Variants in WDFY4 observed in about 807,000 individuals in gnomAD.
The protein encoded by WDFY4 is WDFY family member 4, also known as WD repeat- and FYVE domain-containing protein 4.
In WDFY4, 169 loss-of-function variants were observed where a neutral mutation model predicts 351.9. The ratio of observed to expected loss-of-function variants is 0.48; its 90% CI spans 0.42 to 0.55. The LOEUF (loss-of-function observed/expected upper bound fraction) is 0.55. WDFY4 is among the 20% of genes least tolerant of loss of function. The pLI, the probability that WDFY4 is intolerant of heterozygous loss-of-function variation, is 0.00. For missense variants in WDFY4, 3,803 were observed against 3,935.6 expected, an observed-to-expected ratio of 0.97 and a Z score of 0.90; for synonymous variants, 1,622 against 1,574.6, an observed-to-expected ratio of 1.03 and a Z score of -0.71.
intron 19 of WDFY4, among the ~76,000 whole-genome samples, chr10:48,780,771 A>AT (rs2066193626): frequency 6.6e-6 from 1 of 152,154 alleles, no homozygotes; most frequent in Admixed American, 6.5e-5. Context: ...GTAGGGCTGG[A>AT]TTTTCACACA....
rs757296287 is a variant in WDFY4 at position 48,982,877 on chromosome 10, T to TTA, written c.*302_*303insTA. 1 of 241,016 alleles carries TTA rather than the reference T, an allele frequency of 4.1e-6. No individual in the cohort carries two copies. Among genetic ancestry groups the TTA allele is most frequent in the Non-Finnish European group, 8.0e-6 (1 of 125,080 alleles). 14.9% of individuals were successfully genotyped at this position (241,016 alleles called of 1,614,324 possible). A position where few individuals can be genotyped will look rare whatever the true frequency, so the allele number is the denominator to read the frequency against. Reference sequence around the variant, plus strand: ...CTCACCTTATTAAGGGCTATTGCACTGAAAAAAAAAAAGATGGGTCGCTTA... The same window carrying TTA: ...CTCACCTTATTAAGGGCTATTGCACTTAGAAAAAAAAAAAGATGGGTCGCTTA... On this transcript the variant is annotated 3_prime_UTR_variant, in exon 62 of 62. Transcript: ENST00000325239.
chr10:48,851,530 A>T (rs2068957908), intron 39 of WDFY4, among the ~76,000 whole-genome samples: 1 of 152,182 alleles, frequency 6.6e-6, no homozygotes, highest in African/African-American at 2.4e-5. Flanking sequence ...CCTGACATGT[A>T]GTGCGTGGCT....
intron 59 of WDFY4, 159 bp downstream of exon 59, chr10:48,977,138 G>C: frequency 1.7e-6 from 1 of 581,598 alleles, no homozygotes; most frequent in Non-Finnish European, 2.6e-6. Context: ...GCTCTTTGCA[G>C]GGAAAAAGTA....
Position 48,823,613 on chromosome 10 carries a change from T to A in WDFY4, c.5982+1076T>A, listed in dbSNP as rs970159465. Reference sequence around the variant, plus strand: ...AACTCCAAGAGAGGAGAAATAGCCCTTGTCAGCTCTGTGAGGGTTAAAATC... The same window carrying A: ...AACTCCAAGAGAGGAGAAATAGCCCATGTCAGCTCTGTGAGGGTTAAAATC... On this transcript the variant is annotated intron_variant, in intron 35 of 61. Coordinates refer to ENST00000325239, the MANE Select transcript of WDFY4 (RefSeq NM_001394531.1). The A allele has an allele frequency of 1.7e-5, 18 of 1,029,698 alleles. No individual in the cohort carries two copies. In the African/African-American group the frequency reaches 2.9e-4, roughly 16 times the overall value. The allele number at this position is 1,029,698 out of a possible 1,614,324, so 63.8% of individuals were successfully genotyped here.
intron 4 of WDFY4, 85 bp downstream of exon 4, chr10:48,721,452 C>A: frequency 1.7e-6 from 2 of 1,188,960 alleles, no homozygotes; most frequent in Non-Finnish European, 2.4e-6. Flanking sequence ...TGGCATATCC[C>A]AAGAGGGTCA....
At chr10:48,727,208 C>G (rs1298947710) in intron 6 of WDFY4, among the ~76,000 whole-genome samples, 3 of 152,232 alleles carry the variant, frequency 2.0e-5, no homozygotes, top group Non-Finnish European at 4.4e-5. Flanking sequence ...CTGGACTCCC[C>G]CTTCTTGCTG....
At chr10:48,837,787 G>A (rs12764790) in intron 39 of WDFY4, among the ~76,000 whole-genome samples, 19,795 of 152,112 alleles carry the variant, frequency 0.13, 1,404 homozygotes, top group Middle Eastern at 0.21. Flanking sequence ...GGCAGCCCCC[G>A]ACCTGTGTAC....
chr10:48,919,395 A>C (rs1838851275), intron 47 of WDFY4, among the ~76,000 whole-genome samples: 1 of 152,230 alleles, frequency 6.6e-6, no homozygotes. Flanking sequence ...TCACGGTTGA[A>C]ACCCTTTCAA....
At chr10:48,729,798 G>A (rs550132690) in intron 8 of WDFY4, among the ~76,000 whole-genome samples, 1 of 152,154 alleles carries the variant, frequency 6.6e-6, no homozygotes. Context: ...AAATAACGGA[G>A]GCAGCCTCTA....
intron 35 of WDFY4, among the ~76,000 whole-genome samples, chr10:48,825,146 G>A (rs1036756709): frequency 1.3e-5 from 2 of 152,096 alleles, no homozygotes. Flanking sequence ...AGTGTGTGTT[G>A]TTCCTCTCCC....
chr10:48,922,382 A>G (rs1839162512), intron 47 of WDFY4, among the ~76,000 whole-genome samples: 1 of 152,196 alleles, frequency 6.6e-6, no homozygotes, highest in African/African-American at 2.4e-5. Context: ...TGCCAAAGAG[A>G]GAGATGCCTT....
rs1168984712 is a variant in WDFY4, at chr10:48,811,620, C to T, written c.5126C>T (p.Ala1709Val). 2.6e-6 allele frequency: 4 copies of T among 1,552,030 alleles called. No homozygotes were observed. Among genetic ancestry groups the T allele is most frequent in the Non-Finnish European group, 3.5e-6 (4 of 1,147,072 alleles). Residue 1709 changes from alanine to valine, a missense_variant, in exon 30 of 62, where the codon GCC becomes GTC. Physicochemically the swap from Ala to Val is moderately conservative, Grantham distance 64. Around this residue, in one of 3 missense-constraint regions of WDFY4, gnomAD observed 3,054 missense variants for 3,148.6 expected, o/e 0.97. Coordinates refer to ENST00000325239, the MANE Select transcript of WDFY4 (RefSeq NM_001394531.1). ...TTCCGTGTCTTGAATGACTTTCTGG[C>T]CCACCACGTCCACATTCCAGAGGTC... The part of the protein sequence containing the change: ...PGFRVLNDFL[A>V]HHVHIPEVYL...
intron 39 of WDFY4, among the ~76,000 whole-genome samples, chr10:48,866,194 T>C (rs969340823): frequency 6.6e-6 from 1 of 152,156 alleles, no homozygotes; most frequent in Non-Finnish European, 1.5e-5. Flanking sequence ...ATTTAACGTG[T>C]TTCTTTTTTT....
At position 48,760,420 on chromosome 10, in the gene WDFY4, T is replaced by C. The variant is rs1362098291; in HGVS notation, c.2533T>C (p.Tyr845His). The stretch of plus-strand genomic sequence containing the variant: ...CATGGTGAGGCTGCTGCCTCGGTTG[T>C]ACCATGAAGATCACCCACAGGTACC... ...CIMVRLLPRL[Y>H]HEDHPQLSEE... Residue 845 changes from tyrosine (Y) to histidine (H), a missense_variant, in exon 13 of 62, where the codon TAC (tyrosine) becomes CAC (histidine). This residue lies in a region of WDFY4 where 3,054 missense variants were observed against 3,148.6 expected (regional missense o/e 0.97). Transcript: ENST00000325239. 2.6e-6 allele frequency: 4 copies of C among 1,551,588 alleles called. No individual in the cohort carries two copies. Among genetic ancestry groups the C allele is most frequent in the African/African-American group, 1.4e-5 (1 of 73,070 alleles).
intron 19 of WDFY4, among the ~76,000 whole-genome samples, chr10:48,781,933 G>A (rs2066239589): frequency 6.6e-6 from 1 of 152,216 alleles, no homozygotes; most frequent in African/African-American, 2.4e-5. Context: ...ACTGACTATA[G>A]CAAGAGATTT....
intron 47 of WDFY4, among the ~76,000 whole-genome samples, chr10:48,908,312 C>G (rs1837731634): frequency 6.6e-6 from 1 of 152,218 alleles, no homozygotes; most frequent in Non-Finnish European, 1.5e-5. Flanking sequence ...CCCACTGGTT[C>G]AAGGTTTCTG....
intron 38 of WDFY4, among the ~76,000 whole-genome samples, 152 bp downstream of exon 38, chr10:48,831,037 G>GT (rs2068172630): frequency 6.6e-6 from 1 of 152,174 alleles, no homozygotes; most frequent in African/African-American, 2.4e-5. Context: ...GAAATCTTAT[G>GT]TATCTTTCCT....
Position 48,774,989 on chromosome 10 carries a change from C to T in WDFY4, c.2768+317C>T, listed in dbSNP as rs1327967214. ...GGGAACTGGGCCTGGAAGGCTCTGCCGGGAGGGGTGGGGCTGGGAGGGGCT... is the reference window on the plus strand; with the variant it reads ...GGGAACTGGGCCTGGAAGGCTCTGCTGGGAGGGGTGGGGCTGGGAGGGGCT... On this transcript the variant is annotated intron_variant, in intron 14 of 61. Transcript: ENST00000325239. Among the ~76,000 whole-genome samples the T allele has an allele frequency of 3.9e-5, 5 of 129,520 alleles. No homozygotes were observed. In the East Asian group the frequency reaches 7.9e-4, roughly 20 times the overall value. The allele number at this position is 129,520 out of a possible 152,430, so 85.0% of individuals were successfully genotyped here.
intron 54 of WDFY4, among the ~76,000 whole-genome samples, chr10:48,964,642 T>A (rs1841998753): frequency 6.6e-6 from 1 of 152,244 alleles, no homozygotes. Context: ...GCCTTCTACC[T>A]GCCAGGCCTC....
Sources: gnomAD v4.1 joint callset for allele counts (sites outside exome capture counted in the v4.1 genomes callset) on GRCh38, gnomAD v4.1.1 for gene constraint, gnomAD v4.1.1 regional missense constraint, MANE v1.5 for transcripts, NCBI Gene and HGNC (gene_info 2026-07-23, HGNC 2026-07-21) for gene names.